The following HYLS1 variants were observed in gnomAD, a reference collection of about 807,000 sequenced individuals.
HYLS1 encodes the protein centriolar and ciliogenesis-associated protein HYLS1.
HYLS1 carries 25 observed loss-of-function variants against 29.4 expected under a neutral mutation model. That is an observed-to-expected ratio of 0.85 (90% confidence interval 0.62 to 1.19). The LOEUF is 1.19. HYLS1 is among the 50% of genes most tolerant of loss of function. The pLI is 0.00. For synonymous variants in HYLS1, 128 were observed against 126.7 expected (o/e 1.01, Z -0.07); for missense variants, 352 against 365.1 (o/e 0.96, Z 0.29).
Position 125,891,482 on chromosome 11 carries a change from T to TG in HYLS1, c.-26+11dup, listed in dbSNP as rs372611002. 5 of 11,376 alleles carry TG rather than the reference T, an allele frequency of 4.4e-4. No individual in the cohort carries two copies. The highest frequency in any genetic ancestry group is 9.0e-4 in the African/African-American group (5 of 5,570). 0.7% of individuals were successfully genotyped at this position (11,376 alleles called of 1,614,324 possible). ...GATACATTGAAATAAGGTAAGAAAT[T>TG]GAAAAAAAAAAAAAAAAACCTTGGT... On this transcript the variant is annotated intron_variant, in intron 2 of 2. Transcript: ENST00000425380.
In HYLS1 at chr11:125,897,154, G is replaced by A. The variant is rs887439199; in HGVS notation, c.-25-2190G>A. Among the ~76,000 whole-genome samples, 8 of 152,220 alleles carry A rather than the reference G, an allele frequency of 5.3e-5. No homozygotes were observed. In the East Asian group the frequency reaches 1.5e-3, roughly 29 times the overall value. ...CAATCTGTGACTGATGGTTACTTTA[G>A]TTAGAGAAGACCATCTCCACATCTG... On this transcript the variant is annotated intron_variant, in intron 2 of 2. Coordinates refer to ENST00000425380, the MANE Select transcript of HYLS1 (RefSeq NM_001134793.2).
chr11:125,895,822 A>G (rs1375512897), intron 2 of HYLS1: 2 of 1,580,702 alleles, frequency 1.3e-6, no homozygotes, highest in Admixed American at 1.7e-5. Context: ...TGGGTTTTAG[A>G]GACACAAATA....
Position 125,899,927 on chromosome 11 carries a change from A to G in HYLS1, c.559A>G (p.Ile187Val). 3 of 1,614,216 alleles carry G rather than the reference A, an allele frequency of 1.9e-6. No individual in the cohort carries two copies. The highest frequency in any genetic ancestry group is 2.5e-6 in the Non-Finnish European group (3 of 1,180,038). Residue 187 changes from isoleucine to valine, a missense_variant, in exon 3 of 3, where the codon ATT becomes GTT. By Grantham distance (29) the Ile-to-Val change is conservative (BLOSUM62 3). Transcript: ENST00000425380. Reference protein sequence around the residue: ...MGSPAYEQDLIVASRPKSFIL... With the variant: ...MGSPAYEQDLVVASRPKSFIL... ...CTCTCCAGCTTACGAACAAGACCTGATTGTTGCCAGCAGACCCAAGTCCTT... is the reference window on the plus strand; with the variant it reads ...CTCTCCAGCTTACGAACAAGACCTGGTTGTTGCCAGCAGACCCAAGTCCTT...
At chr11:125,887,973 T>C (rs1411087480) in intron 1 of HYLS1, 7 of 149,972 alleles carry the variant, frequency 4.7e-5, no homozygotes, top group Non-Finnish European at 2.9e-5. Flanking sequence ...CTACAGGCGA[T>C]GTGCGCGGCG....
intron 2 of HYLS1, chr11:125,895,456 G>A (rs1944553304): frequency 6.2e-7 from 1 of 1,614,120 alleles, no homozygotes; most frequent in Non-Finnish European, 8.5e-7. Context: ...ATAGTCCTCT[G>A]AAAATTAATC....
chr11:125,896,396 T>C (rs1369542714), intron 2 of HYLS1: 3 of 1,082,900 alleles, frequency 2.8e-6, no homozygotes, highest in Non-Finnish European at 4.0e-6. Flanking sequence ...TCTAATGGTA[T>C]ATAAGATTTA....
intron 2 of HYLS1, chr11:125,895,848 G>A: frequency 6.3e-7 from 1 of 1,586,492 alleles, no homozygotes; most frequent in South Asian, 1.2e-5. Flanking sequence ...AGTACTCAGT[G>A]TGTATACCTA....
At chr11:125,898,497 A>G (rs1315566916) in intron 2 of HYLS1, among the ~76,000 whole-genome samples, 2 of 152,164 alleles carry the variant, frequency 1.3e-5, no homozygotes, top group African/African-American at 4.8e-5. Flanking sequence ...TAACATGGTA[A>G]AACCCCATCT....
chr11:125,890,497 A>C, intron 1 of HYLS1, among the ~76,000 whole-genome samples: 1 of 152,144 alleles, frequency 6.6e-6, no homozygotes, highest in Non-Finnish European at 1.5e-5. Context: ...AGGTGGAGAA[A>C]TTTGTTATAA....
At chr11:125,889,174 A>G (rs1944365298) in intron 1 of HYLS1, among the ~76,000 whole-genome samples, 1 of 152,228 alleles carries the variant, frequency 6.6e-6, no homozygotes, top group Non-Finnish European at 1.5e-5. Flanking sequence ...TTGGGAACAC[A>G]TTTCTCTGTC....
intron 2 of HYLS1, 115 bp from the exon 3 acceptor site, chr11:125,899,226 TATG>T (rs1944681953): frequency 1.4e-6 from 1 of 699,256 alleles, no homozygotes; most frequent in African/African-American, 1.8e-5. Flanking sequence ...GTATTGAATT[TATG>T]ATGGCCTTAG....
chr11:125,890,358 C>T (rs1944388680), intron 1 of HYLS1, among the ~76,000 whole-genome samples: 1 of 152,186 alleles, frequency 6.6e-6, no homozygotes, highest in Non-Finnish European at 1.5e-5. Flanking sequence ...GATTTTTAAA[C>T]GTGTTACAAG....
intron 1 of HYLS1, among the ~76,000 whole-genome samples, chr11:125,889,813 A>G (rs976316044): frequency 2.6e-5 from 4 of 152,220 alleles, no homozygotes; most frequent in Admixed American, 2.6e-4. Context: ...AGGGCATAAT[A>G]AGGATGCTTG....
intron 2 of HYLS1, chr11:125,894,275 T>C (rs377543477): frequency 3.7e-6 from 6 of 1,605,710 alleles, no homozygotes; most frequent in Non-Finnish European, 4.3e-6. Context: ...TAGAGGAAAT[T>C]CTACAGCCAT....
rs747492975 is a variant in HYLS1 at position 125,899,710 on chromosome 11, T to A, written c.342T>A (p.Ile114=). 1 of 1,614,180 alleles carries A rather than the reference T, an allele frequency of 6.2e-7. No homozygotes were observed. Among genetic ancestry groups the A allele is most frequent in the Non-Finnish European group, 8.5e-7 (1 of 1,180,008 alleles). Residue 114 remains isoleucine (I), a synonymous_variant, in exon 3 of 3, where the codon ATT becomes ATA. Transcript: ENST00000425380. ...DGEVLVTDES[I]ISESESGTEN... ...AAGTATTAGTAACAGATGAGTCGAT[T>A]ATCAGTGAATCAGAATCTGGTACAG... is the stretch of plus-strand genomic sequence containing the variant.
intron 2 of HYLS1, chr11:125,895,181 G>A (rs760892058): frequency 1.4e-6 from 2 of 1,476,262 alleles, no homozygotes; most frequent in East Asian, 2.3e-5. Context: ...CCGAGTAGCT[G>A]GGACTACAGG....
chr11:125,895,282 G>A (rs1172470423), intron 2 of HYLS1: 1 of 1,612,076 alleles, frequency 6.2e-7, no homozygotes, highest in Non-Finnish European at 8.5e-7. Context: ...ATAATCTCTG[G>A]CTTCTCCATT....
intron 1 of HYLS1, among the ~76,000 whole-genome samples, chr11:125,890,773 A>T (rs1189964348): frequency 6.6e-6 from 1 of 152,230 alleles, no homozygotes; most frequent in African/African-American, 2.4e-5. Flanking sequence ...TAGAAAGAGA[A>T]GGAACTGACA....
intron 2 of HYLS1, 38 bp from the exon 3 acceptor site, chr11:125,899,306 T>C: frequency 6.8e-7 from 1 of 1,472,852 alleles, no homozygotes; most frequent in Non-Finnish European, 9.4e-7. Flanking sequence ...GAGCTGGGAA[T>C]TTATTATCAG....
Sources: gnomAD v4.1 joint callset for allele counts (sites outside exome capture counted in the v4.1 genomes callset) on GRCh38, gnomAD v4.1.1 for gene constraint, MANE v1.5 for transcripts, NCBI Gene and HGNC (gene_info 2026-07-23, HGNC 2026-07-21) for gene names.